VOPP1: variants seen among roughly 807,000 people sequenced by gnomAD.
VOPP1 encodes WW domain binding protein VOPP1.
VOPP1 carries 8 observed loss-of-function variants against 23.5 expected under a neutral mutation model. The ratio of observed to expected loss-of-function variants is 0.34; its 90% CI spans 0.20 to 0.61. VOPP1 has a LOEUF of 0.61. Among genes scored for constraint, VOPP1 ranks in the 20% least tolerant of loss-of-function variants. The pLI is 0.78. For missense variants in VOPP1, 174 were observed against 238.1 expected, an observed-to-expected ratio of 0.73 and a Z score of 1.77; for synonymous variants, 83 against 97.3, an observed-to-expected ratio of 0.85 and a Z score of 0.86.
chr7:55,474,369 A>G (rs937932670), intron 4 of VOPP1, among the ~76,000 whole-genome samples: 2 of 152,344 alleles, frequency 1.3e-5, no homozygotes, highest in African/African-American at 2.4e-5. Flanking sequence ...ACAATTAAAA[A>G]ACCAAGGATT....
At chr7:55,503,517 G>A (rs1794506664) in intron 2 of VOPP1, among the ~76,000 whole-genome samples, 1 of 152,128 alleles carries the variant, frequency 6.6e-6, no homozygotes, top group Non-Finnish European at 1.5e-5. Flanking sequence ...ATGTAAAAAA[G>A]AAAAAAAGCC....
At chr7:55,568,794 T>C (rs1798249826) in intron 1 of VOPP1, among the ~76,000 whole-genome samples, 1 of 152,214 alleles carries the variant, frequency 6.6e-6, no homozygotes, top group Admixed American at 6.5e-5. Context: ...TAAAACCTTT[T>C]TTTTTCCTTT....
At chr7:55,457,381 G>C (rs1456705827) in intron 4 of VOPP1, among the ~76,000 whole-genome samples, 1 of 152,146 alleles carries the variant, frequency 6.6e-6, no homozygotes, top group Non-Finnish European at 1.5e-5. Context: ...TAGACACTTA[G>C]ATGATTCCGT....
At chr7:55,569,258 G>C (rs1798266637) in intron 1 of VOPP1, among the ~76,000 whole-genome samples, 1 of 152,178 alleles carries the variant, frequency 6.6e-6, no homozygotes, top group African/African-American at 2.4e-5. Context: ...AACACAACCA[G>C]GGTTTCTCAG....
chr7:55,538,540 C>T (rs1047996532), intron 1 of VOPP1: 2 of 1,385,538 alleles, frequency 1.4e-6, no homozygotes, highest in Non-Finnish European at 2.0e-6. Flanking sequence ...GAGGATTCCA[C>T]AGTCCAACTG....
At chr7:55,543,961 G>A (rs1797251424) in intron 1 of VOPP1, among the ~76,000 whole-genome samples, 1 of 152,066 alleles carries the variant, frequency 6.6e-6, no homozygotes, top group Non-Finnish European at 1.5e-5. Context: ...GTGCTTTTGA[G>A]GCTTTACTCA....
At chr7:55,520,877 C>CAACGT (rs376037606) in intron 2 of VOPP1, among the ~76,000 whole-genome samples, 195 bp downstream of exon 2, 7 of 152,318 alleles carry the variant, frequency 4.6e-5, no homozygotes, top group African/African-American at 7.2e-5. Flanking sequence ...AGGCTGTCCT[C>CAACGT]AACGTAACTG....
At chr7:55,443,461 G>A (rs886392995) in intron 4 of VOPP1, among the ~76,000 whole-genome samples, 1 of 152,034 alleles carries the variant, frequency 6.6e-6, no homozygotes, top group Non-Finnish European at 1.5e-5. Context: ...GGCTGAGGCA[G>A]GAGAATGGCA....
intron 3 of VOPP1, among the ~76,000 whole-genome samples, chr7:55,494,507 T>C (rs11982952): frequency 8.5e-5 from 13 of 152,284 alleles, no homozygotes; most frequent in African/African-American, 3.1e-4. Flanking sequence ...GAAATGACAT[T>C]GCAGCTCCCA....
intron 1 of VOPP1, among the ~76,000 whole-genome samples, chr7:55,567,657 T>C (rs1390463648): frequency 6.6e-6 from 1 of 152,212 alleles, no homozygotes; most frequent in South Asian, 2.1e-4. Context: ...CTCAGACACC[T>C]GGACCCAGGC....
intron 1 of VOPP1, among the ~76,000 whole-genome samples, chr7:55,564,875 G>A (rs975822238): frequency 6.6e-6 from 1 of 152,170 alleles, no homozygotes; most frequent in Non-Finnish European, 1.5e-5. Flanking sequence ...AAGACTCCCA[G>A]GCAACTCCGA....
At chr7:55,492,216 C>G (rs764408882) in intron 4 of VOPP1, 66 bp downstream of exon 4, 3 of 1,539,518 alleles carry the variant, frequency 1.9e-6, no homozygotes, top group Admixed American at 1.9e-5. Context: ...TGCAGCAGTA[C>G]CCTTTATAAA....
chr7:55,498,882 T>G (rs1211599858), intron 2 of VOPP1, among the ~76,000 whole-genome samples: 1 of 152,152 alleles, frequency 6.6e-6, no homozygotes, highest in South Asian at 2.1e-4. Flanking sequence ...GTGCACCCAG[T>G]AGGCCCAAAG....
At chr7:55,531,498 C>T (rs142990354) in intron 1 of VOPP1, among the ~76,000 whole-genome samples, 162 of 152,054 alleles carry the variant, frequency 1.1e-3, no homozygotes, top group African/African-American at 3.6e-3. Context: ...TACAGGCACG[C>T]GCCACCACAC....
chr7:55,547,456 G>T (rs527765666), intron 1 of VOPP1, among the ~76,000 whole-genome samples: 1 of 148,968 alleles, frequency 6.7e-6, no homozygotes, highest in South Asian at 2.1e-4. Flanking sequence ...TAATTTAAAC[G>T]TAAGCCTCTG....
intron 2 of VOPP1, among the ~76,000 whole-genome samples, chr7:55,514,988 C>G (rs1210754044): frequency 6.6e-6 from 1 of 152,184 alleles, no homozygotes; most frequent in Non-Finnish European, 1.5e-5. Context: ...GTGTAACACA[C>G]TTGCACCTCT....
intron 2 of VOPP1, among the ~76,000 whole-genome samples, chr7:55,517,096 T>C (rs894700071): frequency 2.1e-4 from 32 of 150,322 alleles, no homozygotes; most frequent in African/African-American, 7.3e-4. Context: ...TGTGCTACCA[T>C]GTCCAGCTAA....
intron 3 of VOPP1, among the ~76,000 whole-genome samples, chr7:55,496,835 G>A (rs1182478180): frequency 6.6e-6 from 1 of 152,248 alleles, no homozygotes; most frequent in African/African-American, 2.4e-5. Context: ...GCATCATGCA[G>A]AGAGCAAACT....
intron 4 of VOPP1, among the ~76,000 whole-genome samples, chr7:55,443,843 G>A (rs1275687449): frequency 6.6e-6 from 1 of 151,938 alleles, no homozygotes; most frequent in Non-Finnish European, 1.5e-5. Flanking sequence ...GGGTTTCACC[G>A]TGTTGCCCAG....
Sources: allele counts gnomAD v4.1 joint callset (sites outside exome capture counted in the v4.1 genomes callset), GRCh38; gene constraint gnomAD v4.1.1; transcripts MANE v1.5; gene names NCBI Gene and HGNC (gene_info 2026-07-23, HGNC 2026-07-21).